ZNRF3: variants seen among roughly 807,000 people sequenced by gnomAD.
ZNRF3 encodes zinc and ring finger 3.
ZNRF3 carries 23 observed loss-of-function variants against 72.5 expected under a neutral mutation model. The observed-to-expected ratio is 0.32, with a 90% CI of 0.23 to 0.45. The LOEUF (loss-of-function observed/expected upper bound fraction) is 0.45. Among genes scored for constraint, ZNRF3 ranks in the 20% least tolerant of loss-of-function variants. The pLI is 1.00. For synonymous variants in ZNRF3, 610 were observed against 545.3 expected, an observed-to-expected ratio of 1.12 and a Z score of -1.65; for missense variants, 1,169 against 1,272.1, an observed-to-expected ratio of 0.92 and a Z score of 1.23.
intron 1 of ZNRF3, among the ~76,000 whole-genome samples, chr22:28,968,936 C>A (rs750842822): frequency 6.6e-6 from 1 of 152,132 alleles, no homozygotes; most frequent in Non-Finnish European, 1.5e-5. Context: ...GACCTGTAAG[C>A]CTATAACAGG....
chr22:29,034,402 G>A (rs2036824647), intron 2 of ZNRF3, among the ~76,000 whole-genome samples: 1 of 152,210 alleles, frequency 6.6e-6, no homozygotes, highest in African/African-American at 2.4e-5. Context: ...GTGAGTTAAA[G>A]TGATGGGGAG....
At chr22:28,915,432 T>C (rs2034391186) in intron 1 of ZNRF3, among the ~76,000 whole-genome samples, 1 of 152,216 alleles carries the variant, frequency 6.6e-6, no homozygotes, top group Non-Finnish European at 1.5e-5. Context: ...TTTGAGGTAC[T>C]GGGGGTTAGG....
rs200504049 is a variant in ZNRF3 at position 29,044,830 on chromosome 22, G to A, written c.684G>A (p.Val228=). The change falls in exon 5 of 9, where the codon GTG becomes GTA. Residue 228 remains valine, a synonymous_variant. Coordinates refer to ENST00000544604, the MANE Select transcript of ZNRF3 (RefSeq NM_001206998.2). ...DMGIFLAFFV[V]VSLVCLILLV... is the part of the protein sequence containing the mutation. ...GGATTTTCCTGGCTTTCTTCGTCGTGGTCTCCTTGGTCTGCCTCATCCTCC... is the reference window on the plus strand; with the variant it reads ...GGATTTTCCTGGCTTTCTTCGTCGTAGTCTCCTTGGTCTGCCTCATCCTCC... The A allele has an allele frequency of 1.2e-6, 2 of 1,614,072 alleles. No individual in the cohort carries two copies. The highest frequency in any genetic ancestry group is 1.3e-5 in the African/African-American group (1 of 75,004).
At chr22:29,031,905 A>T (rs1458796152) in intron 2 of ZNRF3, among the ~76,000 whole-genome samples, 2 of 152,264 alleles carry the variant, frequency 1.3e-5, no homozygotes, top group Non-Finnish European at 2.9e-5. Flanking sequence ...CTCCGGCTTT[A>T]GATGGCTGTG....
intron 1 of ZNRF3, among the ~76,000 whole-genome samples, chr22:28,974,232 A>AT (rs996089544): frequency 1.1e-4 from 16 of 152,148 alleles, no homozygotes; most frequent in African/African-American, 3.9e-4. Flanking sequence ...AAGTGCTGGG[A>AT]TTACAGGCAT....
At chr22:28,994,176 C>CCTTTT (rs1555980522) in intron 2 of ZNRF3, among the ~76,000 whole-genome samples, 5 of 39,790 alleles carry the variant, frequency 1.3e-4, no homozygotes, top group Non-Finnish European at 2.2e-4. Context: ...CAGTTCCTTT[C>CCTTTT]TTTTTTTTTT....
chr22:28,966,865 A>ATTTTTTT (rs2035473085), intron 1 of ZNRF3, among the ~76,000 whole-genome samples: 13 of 134,978 alleles, frequency 9.6e-5, no homozygotes, highest in African/African-American at 3.8e-4. Flanking sequence ...AGTTTTAAAA[A>ATTTTTTT]TCTTTTTTTT....
At chr22:28,995,064 T>C (rs2036024376) in intron 2 of ZNRF3, among the ~76,000 whole-genome samples, 1 of 152,216 alleles carries the variant, frequency 6.6e-6, no homozygotes, top group Non-Finnish European at 1.5e-5. Flanking sequence ...ATAGAGAATT[T>C]CGGGGAAGGG....
At chr22:29,047,981 C>G (rs1428947901) in intron 6 of ZNRF3, among the ~76,000 whole-genome samples, 1 of 152,156 alleles carries the variant, frequency 6.6e-6, no homozygotes, top group East Asian at 1.9e-4. Flanking sequence ...TTGGGATACC[C>G]AGGGACAGCC....
intron 1 of ZNRF3, among the ~76,000 whole-genome samples, chr22:28,929,078 CTG>C (rs1264640898): frequency 1.3e-5 from 2 of 152,202 alleles, no homozygotes; most frequent in Non-Finnish European, 2.9e-5. Flanking sequence ...CTGATCAAGA[CTG>C]TGGTGCTGTT....
intron 1 of ZNRF3, among the ~76,000 whole-genome samples, chr22:28,983,447 G>A (rs1170966183): frequency 6.6e-6 from 1 of 152,152 alleles, no homozygotes; most frequent in Non-Finnish European, 1.5e-5. Flanking sequence ...CTCTGGCCTG[G>A]TCAGGCCCAC....
At chr22:29,010,363 A>G (rs1043767322) in intron 2 of ZNRF3, among the ~76,000 whole-genome samples, 8 of 151,424 alleles carry the variant, frequency 5.3e-5, no homozygotes, top group Admixed American at 6.6e-5. Context: ...TCCTTTTGTG[A>G]CTGGCTTCTT....
Position 29,056,668 on chromosome 22 carries a change from G to C in ZNRF3, c.*3046G>C, listed in dbSNP as rs1218618739. 2.0e-5 allele frequency: 3 copies of C among 152,038 alleles called. No individual in the cohort carries two copies. The highest frequency in any genetic ancestry group is 2.0e-4 in the Admixed American group (3 of 15,248). The allele number at this position is 152,038 out of a possible 1,614,324, so 9.4% of individuals were successfully genotyped here. On this transcript the variant is annotated 3_prime_UTR_variant, in exon 9 of 9. Coordinates refer to ENST00000544604, the MANE Select transcript of ZNRF3 (RefSeq NM_001206998.2). The stretch of plus-strand genomic sequence containing the variant: ...CCTCTAAGTTGGGGTGTGGCAGTTG[G>C]GCAGGGTCAAGTGACCCAGCCCTGG...
intron 1 of ZNRF3, among the ~76,000 whole-genome samples, chr22:28,966,865 A>ATTTTTTTTTTTTT (rs2035473085): frequency 7.4e-6 from 1 of 134,996 alleles, no homozygotes; most frequent in African/African-American, 3.2e-5. Flanking sequence ...AGTTTTAAAA[A>ATTTTTTTTTTTTT]TCTTTTTTTT....
intron 1 of ZNRF3, among the ~76,000 whole-genome samples, chr22:28,935,801 TA>T (rs201926784): frequency 0.012 from 1,842 of 152,294 alleles, 41 homozygotes; most frequent in African/African-American, 0.038. Context: ...AGCAGCAAGG[TA>T]ATTCTCTTAG....
chr22:28,986,980 C>T lies in ZNRF3; in HGVS notation c.301-96C>T, dbSNP rs764086289. ...CCACTCTTAAAATTTTAAGTTTTGA[C>T]GTTACTTTTGGCTATAGCATCTGAG... On this transcript the variant is annotated intron_variant, in intron 1 of 8. Transcript: ENST00000544604. The T allele has an allele frequency of 1.6e-5, 23 of 1,481,224 alleles. No individual in the cohort carries two copies. In the Admixed American group the frequency reaches 1.6e-4, roughly 11 times the overall value. The allele number at this position is 1,481,224 out of a possible 1,614,324, so 91.8% of individuals were successfully genotyped here.
chr22:29,045,362 C>CAAAAAA (rs59285656), intron 5 of ZNRF3, among the ~76,000 whole-genome samples: 28 of 97,588 alleles, frequency 2.9e-4, no homozygotes, highest in African/African-American at 1.1e-3. Flanking sequence ...CCCTGTCTCA[C>CAAAAAA]AAAAAAAAAA....
chr22:29,001,621 G>A (rs766703003), intron 2 of ZNRF3, among the ~76,000 whole-genome samples: 14 of 152,074 alleles, frequency 9.2e-5, no homozygotes, highest in Middle Eastern at 3.4e-3. Flanking sequence ...ATAGGCACAC[G>A]CCATCACGCC....
chr22:29,053,923 G>T lies in ZNRF3; in HGVS notation c.*301G>T, dbSNP rs2123892587. On this transcript the variant is annotated 3_prime_UTR_variant, in exon 9 of 9. Coordinates refer to ENST00000544604, the MANE Select transcript of ZNRF3 (RefSeq NM_001206998.2). ...GGTGTGGGATTGAGTTCTCTGCTTT[G>T]TTTTTTTTTAAGATATTGTATGTAA... The T allele has an allele frequency of 3.2e-5, 7 of 220,356 alleles. No homozygotes were observed. The highest frequency in any genetic ancestry group is 5.6e-5 in the Admixed American group (1 of 17,804). 13.7% of individuals were successfully genotyped at this position (220,356 alleles called of 1,614,324 possible).
Sources: gnomAD v4.1 joint callset for allele counts (sites outside exome capture counted in the v4.1 genomes callset) on GRCh38, gnomAD v4.1.1 for gene constraint, MANE v1.5 for transcripts, NCBI Gene and HGNC (gene_info 2026-07-23, HGNC 2026-07-21) for gene names.